Variants in TET1 observed in about 807,000 individuals in gnomAD.
The protein encoded by TET1 is methylcytosine dioxygenase TET1.
Under a neutral mutation model 148.7 loss-of-function variants are expected in TET1, and 13 were observed. The ratio of observed to expected loss-of-function variants is 0.09; its 90% CI spans 0.06 to 0.14. The LOEUF (loss-of-function observed/expected upper bound fraction) is 0.14. Ranked by LOEUF, TET1 falls within the 10% of genes least tolerant of loss-of-function variation. The pLI is 1.00. For synonymous variants in TET1, 907 were observed against 937.2 expected, an observed-to-expected ratio of 0.97 and a Z score of 0.59; for missense variants, 2,182 against 2,553.8, an observed-to-expected ratio of 0.85 and a Z score of 3.14.
intron 8 of TET1, among the ~76,000 whole-genome samples, chr10:68,678,602 T>G (rs1470929137): frequency 6.6e-6 from 1 of 151,676 alleles, no homozygotes; most frequent in Non-Finnish European, 1.5e-5. Flanking sequence ...ATAGAAAAAT[T>G]AGCCGGGCAT....
intron 10 of TET1, among the ~76,000 whole-genome samples, chr10:68,685,790 G>A (rs1158309103): frequency 2.6e-5 from 4 of 151,912 alleles, no homozygotes; most frequent in Admixed American, 2.6e-4. Context: ...TTATTGATAT[G>A]GCTCCTCACT....
chr10:68,680,372 G>T (rs745928758), intron 8 of TET1, among the ~76,000 whole-genome samples: 1 of 152,114 alleles, frequency 6.6e-6, no homozygotes, highest in Non-Finnish European at 1.5e-5. Context: ...ACAAGATCTG[G>T]CTCTGTCACC....
chr10:68,645,180 G>A lies in TET1; in HGVS notation c.2451G>A (p.Lys817=). Residue 817 remains lysine, a synonymous_variant, in exon 4 of 12, where the codon AAG becomes AAA. Coordinates refer to ENST00000373644, the MANE Select transcript of TET1 (RefSeq NM_030625.3). Reference sequence around the variant, plus strand: ...CTGATATGAGTTGTGATCATCTCAAGGGGAGAAGTAACGTTTTAGTATTCC... The same window carrying A: ...CTGATATGAGTTGTGATCATCTCAAAGGGAGAAGTAACGTTTTAGTATTCC... The part of the protein sequence containing the change: ...VATDMSCDHL[K]GRSNVLVFQQ... 1.2e-6 allele frequency: 2 copies of A among 1,614,134 alleles called. No homozygotes were observed. The highest frequency in any genetic ancestry group is 3.3e-5 in the Admixed American group (2 of 60,022).
intron 3 of TET1, among the ~76,000 whole-genome samples, chr10:68,629,775 A>T (rs1040750167): frequency 1.3e-5 from 2 of 151,980 alleles, no homozygotes; most frequent in Admixed American, 6.6e-5. Context: ...TGATCTTGTG[A>T]TCCACCCAAT....
intron 3 of TET1, among the ~76,000 whole-genome samples, chr10:68,623,248 G>T (rs1014542214): frequency 1.3e-5 from 2 of 152,054 alleles, no homozygotes; most frequent in African/African-American, 4.8e-5. Context: ...AAATTCTACT[G>T]TAAAAAAAGT....
At chr10:68,689,133 G>T (rs1189151940) in intron 11 of TET1, among the ~76,000 whole-genome samples, 1 of 151,964 alleles carries the variant, frequency 6.6e-6, no homozygotes, top group Non-Finnish European at 1.5e-5. Flanking sequence ...ACCTTCTGTG[G>T]ACAACTTAAC....
chr10:68,610,652 T>C (rs2054195053), intron 3 of TET1, among the ~76,000 whole-genome samples: 1 of 151,982 alleles, frequency 6.6e-6, no homozygotes, highest in South Asian at 2.1e-4. Flanking sequence ...TGGCATACTG[T>C]GGTTTTTTTG....
intron 8 of TET1, chr10:68,675,038 T>C (rs572721245): frequency 3.1e-5 from 14 of 458,778 alleles, no homozygotes; most frequent in African/African-American, 3.0e-4. Flanking sequence ...GAAAAGCCAC[T>C]GAGGACAAAA....
At chr10:68,676,266 ATATTTTTTT>A (rs1165466174) in intron 8 of TET1, among the ~76,000 whole-genome samples, 3 of 16,024 alleles carry the variant, frequency 1.9e-4, no homozygotes, top group African/African-American at 6.5e-4. Flanking sequence ...ATATATATAT[ATATTTTTTT>A]TTTTTTTTTT....
intron 3 of TET1, among the ~76,000 whole-genome samples, chr10:68,611,661 TTTC>T (rs2054213716): frequency 1.4e-5 from 2 of 140,770 alleles, no homozygotes; most frequent in South Asian, 4.7e-4. Context: ...TTTCTTTTCT[TTTC>T]TTTTCTTTTC....
chr10:68,676,814 T>A (rs1333233723), intron 8 of TET1, among the ~76,000 whole-genome samples: 1 of 152,214 alleles, frequency 6.6e-6, no homozygotes, highest in Non-Finnish European at 1.5e-5. Flanking sequence ...ACATTATAGT[T>A]GTGCAAACTT....
intron 1 of TET1, among the ~76,000 whole-genome samples, chr10:68,567,475 G>C (rs912037951): frequency 6.6e-6 from 1 of 151,886 alleles, no homozygotes; most frequent in Admixed American, 6.6e-5. Context: ...TGTATTTTTA[G>C]TAGAGACAGG....
chr10:68,664,540 C>T (rs1175994271), intron 6 of TET1, among the ~76,000 whole-genome samples: 2 of 150,644 alleles, frequency 1.3e-5, no homozygotes, highest in Non-Finnish European at 3.0e-5. Context: ...AGGCAGGTGT[C>T]CACACCCGGC....
chr10:68,669,688 C>T (rs1469062321), intron 7 of TET1, among the ~76,000 whole-genome samples: 1 of 151,080 alleles, frequency 6.6e-6, no homozygotes, highest in African/African-American at 2.4e-5. Context: ...CTCGCACTGT[C>T]GCCCAGGCTG....
At position 68,569,296 on chromosome 10, in the gene TET1, C is replaced by G. The variant is rs184930153; in HGVS notation, c.-122-2921C>G. 5.3e-3 allele frequency among the ~76,000 whole-genome samples: 794 copies of G among 151,162 alleles called. 5 individuals carry two copies. Among genetic ancestry groups the G allele is most frequent in the Non-Finnish European group, 9.1e-3 (615 of 67,866 alleles). On this transcript the variant is annotated intron_variant, in intron 1 of 11. Coordinates refer to ENST00000373644, the MANE Select transcript of TET1 (RefSeq NM_030625.3). ...CACGCCATTCTCCTGCCTCAGCTTC[C>G]CAAGTAGTTGGGACTACAGGTGCCC...
Position 68,686,616 on chromosome 10 carries a change from G to A in TET1, c.5313G>A (p.Arg1771=), listed in dbSNP as rs775214342. The A allele has an allele frequency of 6.2e-7, 1 of 1,614,096 alleles. No homozygotes were observed. The highest frequency in any genetic ancestry group is 1.1e-5 in the South Asian group (1 of 91,072). ...MMTEVLAHKI[R]AVEKKPIPRI... The stretch of plus-strand genomic sequence containing the variant: ...CAGAGGTTCTTGCACATAAGATAAG[G>A]GCAGTGGAAAAGAAACCTATTCCCC... Residue 1771 remains arginine, a synonymous_variant, in exon 11 of 12, where the codon AGG becomes AGA. Transcript: ENST00000373644.
At chr10:68,649,478 G>T (rs1398720085) in intron 4 of TET1, among the ~76,000 whole-genome samples, 1 of 151,952 alleles carries the variant, frequency 6.6e-6, no homozygotes, top group Non-Finnish European at 1.5e-5. Flanking sequence ...ATGGTGGCAG[G>T]TGCCTGTAGT....
intron 8 of TET1, chr10:68,674,263 T>A (rs1451085530): frequency 6.5e-6 from 1 of 154,210 alleles, no homozygotes; most frequent in Non-Finnish European, 1.4e-5. Context: ...ACCAACCAGC[T>A]AGGTTTTCTT....
chr10:68,653,562 G>A (rs1450544417), intron 6 of TET1, among the ~76,000 whole-genome samples: 2 of 152,280 alleles, frequency 1.3e-5, no homozygotes, highest in South Asian at 2.1e-4. Flanking sequence ...TATATTTCAT[G>A]TTCAGTCTTC....
Sources: gnomAD v4.1 joint callset for allele counts (sites outside exome capture counted in the v4.1 genomes callset) on GRCh38, gnomAD v4.1.1 for gene constraint, MANE v1.5 for transcripts, NCBI Gene and HGNC (gene_info 2026-07-23, HGNC 2026-07-21) for gene names.